MAP4K1: variants seen among roughly 807,000 people sequenced by gnomAD.
MAP4K1 encodes MAPK/ERK kinase kinase kinase 1.
A neutral mutation model predicts 122.8 loss-of-function variants in MAP4K1; 35 were observed. The ratio of observed to expected loss-of-function variants is 0.29; its 90% CI spans 0.22 to 0.38. The LOEUF is 0.38. Among genes scored for constraint, MAP4K1 ranks in the 10% least tolerant of loss-of-function variants. MAP4K1 has a pLI of 1.00. For synonymous variants in MAP4K1, 412 were observed against 421.3 expected, an observed-to-expected ratio of 0.98 and a Z score of 0.27; for missense variants, 791 against 1,072.6, an observed-to-expected ratio of 0.74 and a Z score of 3.67.
Position 38,596,435 on chromosome 19 carries a change from C to T in MAP4K1, c.1993G>A (p.Gly665Arg), listed in dbSNP as rs373602457. The T allele has an allele frequency of 3.9e-4, 626 of 1,589,716 alleles. 1 individual carries two copies. Among genetic ancestry groups the T allele is most frequent in the Non-Finnish European group, 4.9e-4 (578 of 1,172,734 alleles). The change falls in exon 26 of 31, where the codon GGG becomes AGG. Residue 665 changes from glycine (G) to arginine (R), a missense_variant. Gly to Arg is a moderately radical substitution (Grantham distance 125). Transcript: ENST00000396857. Reference sequence around the variant, plus strand: ...ACAGCGGGCAGCTCAGAGCCTGGCCCGGTCAGCAGCGCGAACACGGACAGA... The same window carrying T: ...ACAGCGGGCAGCTCAGAGCCTGGCCTGGTCAGCAGCGCGAACACGGACAGA... ...TPLSVFALLT[G>R]PGSELPAVCI...
chr19:38,613,837 T>C, intron 8 of MAP4K1, 43 bp downstream of exon 8: 1 of 1,508,218 alleles, frequency 6.6e-7, no homozygotes, highest in East Asian at 2.4e-5. Flanking sequence ...GAAAAACCAC[T>C]GACCCCCACT....
intron 8 of MAP4K1, 59 bp downstream of exon 8, chr19:38,613,821 G>T: frequency 7.3e-7 from 1 of 1,360,556 alleles, no homozygotes; most frequent in Non-Finnish European, 1.0e-6. Context: ...CGGGGAACCA[G>T]GGTAGGAAAA....
intron 4 of MAP4K1, among the ~76,000 whole-genome samples, chr19:38,615,251 T>G (rs1975615555): frequency 6.8e-6 from 1 of 146,848 alleles, no homozygotes; most frequent in Non-Finnish European, 1.5e-5. Context: ...AGGAGGAAAG[T>G]GGGAGGAGGT....
chr19:38,595,344 G>T, intron 29 of MAP4K1, 141 bp downstream of exon 29: 1 of 557,398 alleles, frequency 1.8e-6, no homozygotes, highest in Non-Finnish European at 3.1e-6. Flanking sequence ...GCAAAGAAGG[G>T]GATCTATCTG....
At chr19:38,612,775 G>A in intron 8 of MAP4K1, 33 bp from the exon 9 acceptor site, 1 of 1,608,448 alleles carries the variant, frequency 6.2e-7, no homozygotes, top group African/African-American at 1.3e-5. Context: ...AGCCAGAGGT[G>A]GCATGGGGAC....
intron 29 of MAP4K1, 109 bp downstream of exon 29, chr19:38,595,376 T>C: frequency 1.0e-6 from 1 of 953,138 alleles, no homozygotes; most frequent in Non-Finnish European, 1.6e-6. Flanking sequence ...GGAAGATGTT[T>C]CCCCTCCAGG....
Position 38,596,416 on chromosome 19 carries a change from G to C in MAP4K1, c.2012C>G (p.Pro671Arg). 6.3e-7 allele frequency: 1 copy of C among 1,594,218 alleles called. No individual in the cohort carries two copies. Among genetic ancestry groups the C allele is most frequent in the Non-Finnish European group, 8.5e-7 (1 of 1,174,576 alleles). The part of the protein sequence containing the change: ...ALLTGPGSEL[P>R]AVCIGVSPGR... The stretch of plus-strand genomic sequence containing the variant: ...GGGGCTCACGCCGATGCACACAGCG[G>C]GCAGCTCAGAGCCTGGCCCGGTCAG... Residue 671 changes from proline to arginine, a missense_variant, in exon 26 of 31, where the codon CCC (proline) becomes CGC (arginine). Coordinates refer to ENST00000396857, the MANE Select transcript of MAP4K1 (RefSeq NM_001042600.3).
intron 19 of MAP4K1, among the ~76,000 whole-genome samples, chr19:38,603,575 C>G (rs1975232607): frequency 6.6e-6 from 1 of 152,102 alleles, no homozygotes; most frequent in South Asian, 2.1e-4. Context: ...CCAGGCACGG[C>G]TGTAATCCCA....
chr19:38,613,321 G>A (rs995604666), intron 8 of MAP4K1, among the ~76,000 whole-genome samples: 5 of 115,320 alleles, frequency 4.3e-5, no homozygotes, highest in Non-Finnish European at 3.7e-5. Flanking sequence ...AAAAAAAAAA[G>A]AACGAAAAAG....
chr19:38,610,369 CTAATTT>C (rs1975460157), intron 11 of MAP4K1, among the ~76,000 whole-genome samples: 1 of 135,158 alleles, frequency 7.4e-6, no homozygotes, highest in African/African-American at 2.8e-5. Context: ...CCACGCCCAG[CTAATTT>C]TTTTTTTTTT....
Position 38,602,871 on chromosome 19 carries a change from TAC to T in MAP4K1, c.1447-1348_1447-1347del, listed in dbSNP as rs201051065. Among the ~76,000 whole-genome samples the T allele has an allele frequency of 1.8e-3, 264 of 148,730 alleles. 5 individuals are homozygous for T. In the South Asian group the frequency reaches 0.027, roughly 15 times the overall value. On this transcript the variant is annotated intron_variant, in intron 19 of 30. Coordinates refer to ENST00000396857, the MANE Select transcript of MAP4K1 (RefSeq NM_001042600.3). ...ATACACATATACATATATACACATGTACATATATACTTATATACACATGTACA... is the reference window on the plus strand; with the variant it reads ...ATACACATATACATATATACACATGTATATATACTTATATACACATGTACA...
chr19:38,599,012 CAAAAAAAAA>C (rs944497385), intron 22 of MAP4K1, among the ~76,000 whole-genome samples: 1 of 38,000 alleles, frequency 2.6e-5, no homozygotes, highest in East Asian at 8.1e-4. Context: ...GAGTCTATCT[CAAAAAAAAA>C]AAAAAAAAAA....
At chr19:38,609,865 A>G in intron 12 of MAP4K1, 44 bp downstream of exon 12, 1 of 1,550,188 alleles carries the variant, frequency 6.5e-7, no homozygotes, top group Non-Finnish European at 8.9e-7. Context: ...CAGCCTGAGA[A>G]AGACCGAGAG....
At position 38,596,447 on chromosome 19, in the gene MAP4K1, C is replaced by G. The variant is rs1276044379; in HGVS notation, c.1981G>C (p.Ala661Pro). Residue 661 changes from alanine (A) to proline (P), a missense_variant, in exon 26 of 31, where the codon GCG becomes CCG. Transcript: ENST00000396857. ...TCAGAGCCTGGCCCGGTCAGCAGCGCGAACACGGACAGAGGCGTCGGCAGT... is the reference window on the plus strand; with the variant it reads ...TCAGAGCCTGGCCCGGTCAGCAGCGGGAACACGGACAGAGGCGTCGGCAGT... The part of the protein sequence containing the change: ...FPLPTPLSVF[A>P]LLTGPGSELP... 1 of 1,586,646 alleles carries G rather than the reference C, an allele frequency of 6.3e-7. No individual in the cohort carries two copies. Among genetic ancestry groups the G allele is most frequent in the Non-Finnish European group, 8.5e-7 (1 of 1,171,230 alleles).
chr19:38,588,997 G>T (rs942489340), intron 30 of MAP4K1, among the ~76,000 whole-genome samples: 1 of 152,060 alleles, frequency 6.6e-6, no homozygotes, highest in Non-Finnish European at 1.5e-5. Flanking sequence ...CTGGTATAAA[G>T]AAAGAAGAAT....
At position 38,595,328 on chromosome 19, in the gene MAP4K1, C is replaced by A. The variant is rs1359375866; in HGVS notation, c.2340+157G>T. On this transcript the variant is annotated intron_variant, in intron 29 of 30. Coordinates refer to ENST00000396857, the MANE Select transcript of MAP4K1 (RefSeq NM_001042600.3). ...AATAAAAATAAAATAAAAAATAAATCCTGGGGCAAAGAAGGGGATCTATCT... is the reference window on the plus strand; with the variant it reads ...AATAAAAATAAAATAAAAAATAAATACTGGGGCAAAGAAGGGGATCTATCT... Among the ~76,000 whole-genome samples the A allele has an allele frequency of 2.0e-5, 3 of 151,896 alleles. No individual in the cohort carries two copies. In the South Asian group the frequency reaches 6.2e-4, roughly 32 times the overall value.
intron 19 of MAP4K1, among the ~76,000 whole-genome samples, chr19:38,603,299 C>T (rs1975209730): frequency 6.7e-6 from 1 of 149,316 alleles, no homozygotes; most frequent in Non-Finnish European, 1.5e-5. Flanking sequence ...CACACACATA[C>T]ATGTATACAT....
chr19:38,613,862 C>T lies in MAP4K1; in HGVS notation c.533+18G>A, dbSNP rs758767747. ...TGACCCCCACTCCACCCCTAGCTGCCCGCTGGGCGCCACTCACCAGTAGGG... is the reference window on the plus strand; with the variant it reads ...TGACCCCCACTCCACCCCTAGCTGCTCGCTGGGCGCCACTCACCAGTAGGG... On this transcript the variant is annotated intron_variant, in intron 8 of 30. Coordinates refer to ENST00000396857, the MANE Select transcript of MAP4K1 (RefSeq NM_001042600.3). 2 of 1,588,054 alleles carry T rather than the reference C, an allele frequency of 1.3e-6. No homozygotes were observed. The highest frequency in any genetic ancestry group is 1.1e-5 in the South Asian group (1 of 88,336).
chr19:38,611,445 G>T (rs764496418), intron 9 of MAP4K1, 140 bp from the exon 10 acceptor site: 1 of 661,376 alleles, frequency 1.5e-6, no homozygotes. Context: ...GTTTTACAGT[G>T]CACCAGGGTG....
Sources: gnomAD v4.1 joint callset for allele counts (sites outside exome capture counted in the v4.1 genomes callset) on GRCh38, gnomAD v4.1.1 for gene constraint, MANE v1.5 for transcripts, NCBI Gene and HGNC (gene_info 2026-07-23, HGNC 2026-07-21) for gene names.